DOCK11: variants seen among roughly 807,000 people sequenced by gnomAD.
DOCK11 encodes dedicator of cytokinesis protein 11.
DOCK11 carries 70 observed loss-of-function variants against 169.1 expected under a neutral mutation model. The ratio of observed to expected loss-of-function variants is 0.41; its 90% CI spans 0.34 to 0.51. DOCK11 has a LOEUF of 0.51. Ranked by LOEUF, DOCK11 falls within the 20% of genes least tolerant of loss-of-function variation. The pLI is 0.10. For missense variants in DOCK11, 1,166 were observed against 1,538.8 expected, an observed-to-expected ratio of 0.76 and a Z score of 4.05; for synonymous variants, 529 against 541.3, an observed-to-expected ratio of 0.98 and a Z score of 0.32.
intron 1 of DOCK11, among the ~76,000 whole-genome samples, chrX:118,537,936 A>G (rs767586334): frequency 1.8e-5 from 2 of 112,149 alleles, no homozygotes; most frequent in South Asian, 7.3e-4. Flanking sequence ...GAGTTTGCAC[A>G]TAGAAAGCTC....
rs2057534028 is a variant in DOCK11 at position 118,496,045 on chromosome X, C to A, written c.74C>A (p.Ser25Tyr). 1.8e-6 allele frequency: 2 copies of A among 1,083,293 alleles called. No homozygotes were observed. The highest frequency in any genetic ancestry group is 2.4e-6 in the Non-Finnish European group (2 of 837,210). 89.3% of individuals were successfully genotyped at this position (1,083,293 alleles called of 1,213,427 possible). Reference sequence around the variant, plus strand: ...GCGGCTGAGCTCCGGCAGAGCGTGTCTGAGGCCGTGCGGGGCTCCGTGGTG... The same window carrying A: ...GCGGCTGAGCTCCGGCAGAGCGTGTATGAGGCCGTGCGGGGCTCCGTGGTG... Reference protein sequence around the residue: ...GTAAELRQSVSEAVRGSVVLE... With the variant: ...GTAAELRQSVYEAVRGSVVLE... The change falls in exon 1 of 53, where the codon TCT (serine) becomes TAT (tyrosine). Residue 25 changes from serine to tyrosine, a missense_variant. Transcript: ENST00000276202.
At chrX:118,609,475 T>C in intron 27 of DOCK11, 126 bp downstream of exon 27, 1 of 478,789 alleles carries the variant, frequency 2.1e-6, no homozygotes, top group Non-Finnish European at 3.3e-6. Flanking sequence ...GCAAATCCCA[T>C]TTTATATTTA....
chrX:118,649,859 C>A (rs759880546), intron 41 of DOCK11, among the ~76,000 whole-genome samples: 1 of 111,516 alleles, frequency 9.0e-6, no homozygotes, highest in Non-Finnish European at 1.9e-5. Context: ...TGACCTGGAG[C>A]AAGTTACTTC....
At chrX:118,664,634 G>C in intron 45 of DOCK11, among the ~76,000 whole-genome samples, 1 of 109,699 alleles carries the variant, frequency 9.1e-6, no homozygotes, top group Non-Finnish European at 1.9e-5. Flanking sequence ...GACAAAGTGA[G>C]ACTGTGTCTC....
At chrX:118,535,757 A>C (rs1321202300) in intron 1 of DOCK11, among the ~76,000 whole-genome samples, 1 of 111,889 alleles carries the variant, frequency 8.9e-6, no homozygotes, top group Non-Finnish European at 1.9e-5. Flanking sequence ...TTCTTATGCC[A>C]AGATTTTCCC....
chrX:118,680,593 C>G lies in DOCK11; in HGVS notation c.5572C>G (p.His1858Asp). 2 of 1,210,424 alleles carry G rather than the reference C, an allele frequency of 1.7e-6. No individual in the cohort carries two copies. Among genetic ancestry groups the G allele is most frequent in the South Asian group, 3.5e-5 (2 of 56,884 alleles). ...AAGGAAGACCGAGTTTGAAAGAAATCATAATATCAGCAGATTTGTTTTTGA... is the reference window on the plus strand; with the variant it reads ...AAGGAAGACCGAGTTTGAAAGAAATGATAATATCAGCAGATTTGTTTTTGA... ...TERKTEFERNHNISRFVFEAP... is the reference protein window; with the variant it reads ...TERKTEFERNDNISRFVFEAP... Residue 1858 changes from histidine (H) to aspartate (D), a missense_variant, in exon 49 of 53, where the codon CAT becomes GAT. By Grantham distance (81) the His-to-Asp change is moderately conservative. Transcript: ENST00000276202.
intron 11 of DOCK11, 55 bp from the exon 12 acceptor site, chrX:118,573,751 C>T (rs934965092): frequency 2.9e-6 from 3 of 1,036,404 alleles, no homozygotes; most frequent in African/African-American, 3.8e-5. Flanking sequence ...GTGCCCCTCC[C>T]CGCCATGCCC....
chrX:118,636,197 A>C, intron 35 of DOCK11, 149 bp from the exon 36 acceptor site: 1 of 300,975 alleles, frequency 3.3e-6, no homozygotes, highest in Non-Finnish European at 6.1e-6. Context: ...CAGAGTGTAT[A>C]CTGCGCAGTG....
Position 118,543,003 on chromosome X carries a change from A to G in DOCK11, c.297A>G (p.Leu99=), listed in dbSNP as rs2012088354. The change falls in exon 3 of 53, where the codon TTA becomes TTG. Residue 99 remains leucine (L), a synonymous_variant. Transcript: ENST00000276202. ...ATGCTGAAAAGAGGGCCCAGAGTTT[A>G]TTTGTTAAAGAGGTAAGAGGCTCAA... The part of the protein sequence containing the change: ...PEDAEKRAQS[L]FVKECIKTYS... 5 of 1,208,468 alleles carry G rather than the reference A, an allele frequency of 4.1e-6. No homozygotes were observed. The East Asian group carries it at 1.5e-4, about 36-fold the overall frequency.
intron 23 of DOCK11, among the ~76,000 whole-genome samples, chrX:118,600,906 T>C (rs770028198): frequency 1.5e-4 from 17 of 110,955 alleles, no homozygotes; most frequent in Non-Finnish European, 3.0e-4. Flanking sequence ...TTGGGGAGGT[T>C]GCTGGGAGCT....
At chrX:118,650,096 C>T (rs1408979474) in intron 41 of DOCK11, among the ~76,000 whole-genome samples, 1 of 111,526 alleles carries the variant, frequency 9.0e-6, no homozygotes, top group Non-Finnish European at 1.9e-5. Context: ...GGAATCAGGC[C>T]TACCTGCACT....
At chrX:118,656,267 T>TAATAAATAAGTA (rs2016065887) in intron 44 of DOCK11, among the ~76,000 whole-genome samples, 1 of 108,084 alleles carries the variant, frequency 9.3e-6, no homozygotes, top group Non-Finnish European at 1.9e-5. Flanking sequence ...TCTCAAAAAA[T>TAATAAATAAGTA]AATAAATAAA....
chrX:118,518,478 G>A (rs1454232238), intron 1 of DOCK11, among the ~76,000 whole-genome samples: 1 of 111,914 alleles, frequency 8.9e-6, no homozygotes, highest in Non-Finnish European at 1.9e-5. Context: ...GGAGACCAAG[G>A]CGAGAGGATT....
chrX:118,501,688 A>G (rs1176067038), intron 1 of DOCK11, among the ~76,000 whole-genome samples: 1 of 111,679 alleles, frequency 9.0e-6, no homozygotes, highest in Non-Finnish European at 1.9e-5. Context: ...ATAAATTTCT[A>G]GCAGTGAACT....
intron 1 of DOCK11, among the ~76,000 whole-genome samples, chrX:118,510,910 A>G (rs2057647298): frequency 1.8e-5 from 2 of 111,940 alleles, no homozygotes; most frequent in African/African-American, 6.5e-5. Context: ...TAAAAGATAA[A>G]TGGAAACTTC....
intron 52 of DOCK11, 79 bp downstream of exon 52, chrX:118,683,296 A>C: frequency 9.6e-7 from 1 of 1,041,830 alleles, no homozygotes; most frequent in Non-Finnish European, 1.3e-6. Flanking sequence ...TAATGGTTCA[A>C]AATGCACAAC....
chrX:118,590,514 G>T (rs936199359), intron 19 of DOCK11, among the ~76,000 whole-genome samples: 1 of 111,232 alleles, frequency 9.0e-6, no homozygotes, highest in Non-Finnish European at 1.9e-5. Flanking sequence ...GGGGCTCTTC[G>T]ACTTGAGGTA....
chrX:118,671,826 T>C (rs1386397702), intron 46 of DOCK11, among the ~76,000 whole-genome samples: 3 of 112,003 alleles, frequency 2.7e-5, no homozygotes, highest in Admixed American at 9.4e-5. Context: ...ATTACAGGCA[T>C]GCACCACCAC....
At chrX:118,623,890 C>A (rs2015034454) in intron 31 of DOCK11, among the ~76,000 whole-genome samples, 1 of 112,487 alleles carries the variant, frequency 8.9e-6, no homozygotes, top group African/African-American at 3.2e-5. Flanking sequence ...CGAGGAATGT[C>A]TATAAGCTGA....
Sources: allele counts gnomAD v4.1 joint callset (sites outside exome capture counted in the v4.1 genomes callset), GRCh38; gene constraint gnomAD v4.1.1; transcripts MANE v1.5; gene names NCBI Gene and HGNC (gene_info 2026-07-23, HGNC 2026-07-21).